CLEC6A: variants seen among roughly 807,000 people sequenced by gnomAD.
CLEC6A encodes C-type lectin domain family 6 member A.
A neutral mutation model predicts 25.7 loss-of-function variants in CLEC6A; 22 were observed. The ratio of observed to expected loss-of-function variants is 0.85; its 90% CI spans 0.61 to 1.22. CLEC6A has a LOEUF of 1.22. CLEC6A is among the 50% of genes most tolerant of loss of function. CLEC6A has a pLI of 0.00. For missense variants in CLEC6A, 240 were observed against 236.8 expected, an observed-to-expected ratio of 1.01 and a Z score of -0.09; for synonymous variants, 92 against 76.7, an observed-to-expected ratio of 1.20 and a Z score of -1.04.
At position 8,458,062 on chromosome 12, in the gene CLEC6A, T is replaced by G. The variant is rs143763228; in HGVS notation, c.121+75T>G. On this transcript the variant is annotated intron_variant, in intron 2 of 5. Coordinates refer to ENST00000382073, the MANE Select transcript of CLEC6A (RefSeq NM_001007033.2). The stretch of plus-strand genomic sequence containing the variant: ...TTCCATACAGGTTTCCTAGGATATA[T>G]TCTCCTTTGCCCCATTAATACGTCA... 1,918 of 1,056,198 alleles carry G rather than the reference T, an allele frequency of 1.8e-3. 34 individuals carry two copies. The African/African-American group carries it at 0.028, about 15-fold the overall frequency. The allele number at this position is 1,056,198 out of a possible 1,614,324, so 65.4% of individuals were successfully genotyped here.
intron 3 of CLEC6A, among the ~76,000 whole-genome samples, chr12:8,464,351 A>G (rs1391483777): frequency 2.0e-5 from 3 of 148,432 alleles, no homozygotes; most frequent in Non-Finnish European, 4.5e-5. Flanking sequence ...TTTTTTTGAG[A>G]CGGAGTCTCT....
At chr12:8,472,685 A>G (rs1939922407) in intron 4 of CLEC6A, among the ~76,000 whole-genome samples, 1 of 152,160 alleles carries the variant, frequency 6.6e-6, no homozygotes, top group South Asian at 2.1e-4. Flanking sequence ...TCATGGGGGA[A>G]CTAGGGCATG....
At chr12:8,463,489 G>A (rs1939790889) in intron 3 of CLEC6A, among the ~76,000 whole-genome samples, 6 of 152,114 alleles carry the variant, frequency 3.9e-5, no homozygotes, top group Admixed American at 3.9e-4. Flanking sequence ...CAGTAAATTA[G>A]AATGAAAAAG....
chr12:8,469,003 C>T (rs1939871666), intron 4 of CLEC6A, among the ~76,000 whole-genome samples: 1 of 152,148 alleles, frequency 6.6e-6, no homozygotes, highest in Admixed American at 6.5e-5. Context: ...TGAACAATTG[C>T]TGTTTGCTGA....
chr12:8,470,594 G>A (rs965615312), intron 4 of CLEC6A, among the ~76,000 whole-genome samples: 1 of 152,096 alleles, frequency 6.6e-6, no homozygotes, highest in Non-Finnish European at 1.5e-5. Context: ...AATGGCATTG[G>A]CAGCAACTTG....
chr12:8,475,995 G>A, intron 4 of CLEC6A, 130 bp from the exon 5 acceptor site: 2 of 555,974 alleles, frequency 3.6e-6, no homozygotes, highest in Non-Finnish European at 6.3e-6. Flanking sequence ...TGGTCAGAAG[G>A]CCATCATGTG....
At chr12:8,456,869 G>A (rs1939682878) in intron 1 of CLEC6A, among the ~76,000 whole-genome samples, 1 of 152,122 alleles carries the variant, frequency 6.6e-6, no homozygotes, top group Non-Finnish European at 1.5e-5. Context: ...CAGCACTTTG[G>A]GAGGCTGAGG....
chr12:8,456,222 A>G, intron 1 of CLEC6A, 80 bp downstream of exon 1: 14 of 1,413,704 alleles, frequency 9.9e-6, no homozygotes, highest in Non-Finnish European at 1.4e-5. Context: ...GTAGCCAAAG[A>G]ACAGATTGAA....
At position 8,477,450 on chromosome 12, in the gene CLEC6A, A is replaced by C. The variant is rs1203315392; in HGVS notation, c.616A>C (p.Lys206Gln). The C allele has an allele frequency of 6.2e-7, 1 of 1,607,078 alleles. No homozygotes were observed. The highest frequency in any genetic ancestry group is 2.2e-5 in the East Asian group (1 of 44,668). The change falls in exon 6 of 6, where the codon AAG (lysine) becomes CAG (glutamine). Residue 206 changes from lysine to glutamine, a missense_variant. By Grantham distance (53) the Lys-to-Gln change is moderately conservative. Transcript: ENST00000382073. ...TRRNSICEMN[K>Q]IYL ...AAGGAATTCAATATGTGAGATGAAT[A>C]AGATTTACCTATGAGTAGAAGCTTA...
chr12:8,468,763 A>C (rs1489063408), intron 4 of CLEC6A, among the ~76,000 whole-genome samples: 2 of 152,222 alleles, frequency 1.3e-5, no homozygotes, highest in East Asian at 3.8e-4. Flanking sequence ...ACCCTCAGTA[A>C]AATCAGCATA....
chr12:8,476,611 G>A (rs1939977047), intron 5 of CLEC6A, among the ~76,000 whole-genome samples: 1 of 151,996 alleles, frequency 6.6e-6, no homozygotes, highest in South Asian at 2.1e-4. Flanking sequence ...TCAGAACTAT[G>A]TACAATTTTA....
intron 5 of CLEC6A, among the ~76,000 whole-genome samples, chr12:8,476,534 T>G (rs1451993691): frequency 6.6e-6 from 1 of 152,086 alleles, no homozygotes; most frequent in Non-Finnish European, 1.5e-5. Flanking sequence ...CTATTATATT[T>G]TGCTGTTTCT....
At chr12:8,475,690 T>G (rs1360415032) in intron 4 of CLEC6A, among the ~76,000 whole-genome samples, 1 of 152,128 alleles carries the variant, frequency 6.6e-6, no homozygotes, top group East Asian at 1.9e-4. Flanking sequence ...ATACCCACAC[T>G]GGGGAGGGCA....
At chr12:8,465,924 T>C (rs1266254827) in intron 4 of CLEC6A, among the ~76,000 whole-genome samples, 1 of 152,246 alleles carries the variant, frequency 6.6e-6, no homozygotes, top group Non-Finnish European at 1.5e-5. Flanking sequence ...ATTTGTCATT[T>C]TTTGAATAAC....
rs115368803 is a variant in CLEC6A at position 8,473,495 on chromosome 12, G to A, written c.370-2630G>A. On this transcript the variant is annotated intron_variant, in intron 4 of 5. Coordinates refer to ENST00000382073, the MANE Select transcript of CLEC6A (RefSeq NM_001007033.2). The stretch of plus-strand genomic sequence containing the variant: ...TTCACCATTGATAGGCACCTAGGTC[G>A]ATTCCATGTTTTTACTATTGGAAAT... Among the ~76,000 whole-genome samples the A allele has an allele frequency of 5.0e-3, 762 of 152,200 alleles. 7 individuals carry two copies. Among genetic ancestry groups the A allele is most frequent in the African/African-American group, 0.017 (708 of 41,528 alleles).
intron 3 of CLEC6A, among the ~76,000 whole-genome samples, chr12:8,463,551 T>C (rs776601665): frequency 6.6e-6 from 1 of 152,214 alleles, no homozygotes; most frequent in South Asian, 2.1e-4. Context: ...ATTATCTGCT[T>C]ATGACGATAT....
At chr12:8,465,385 C>T (rs1238931525) in intron 3 of CLEC6A, 99 bp from the exon 4 acceptor site, 2 of 1,173,172 alleles carry the variant, frequency 1.7e-6, no homozygotes, top group Non-Finnish European at 2.4e-6. Context: ...ACAGTAAAAA[C>T]GTGAATTAAG....
Position 8,456,402 on chromosome 12 carries a change from G to A in CLEC6A, c.31+260G>A, listed in dbSNP as rs755041051. Among the ~76,000 whole-genome samples the A allele has an allele frequency of 5.9e-5, 9 of 152,300 alleles. No individual in the cohort carries two copies. The East Asian group carries it at 1.7e-3, about 29-fold the overall frequency. ...GGAGACAGAAAAGATTTACATGATA[G>A]AAGGTAAACAGGGAAATAACTGATT... On this transcript the variant is annotated intron_variant, in intron 1 of 5. Coordinates refer to ENST00000382073, the MANE Select transcript of CLEC6A (RefSeq NM_001007033.2).
chr12:8,462,225 C>A (rs1181419829), intron 3 of CLEC6A, among the ~76,000 whole-genome samples: 1 of 141,584 alleles, frequency 7.1e-6, no homozygotes, highest in Non-Finnish European at 1.5e-5. Context: ...ACAAACACTG[C>A]GGAAGGCCGC....
Sources: gnomAD v4.1 joint callset for allele counts (sites outside exome capture counted in the v4.1 genomes callset) on GRCh38, gnomAD v4.1.1 for gene constraint, MANE v1.5 for transcripts, NCBI Gene and HGNC (gene_info 2026-07-23, HGNC 2026-07-21) for gene names.